STXBP4: variants seen among roughly 807,000 people sequenced by gnomAD.
The protein encoded by STXBP4 is syntaxin binding protein 4.
In STXBP4, 55 loss-of-function variants were observed where a neutral mutation model predicts 76.1. That is an observed-to-expected ratio of 0.72 (90% CI 0.58 to 0.91). The LOEUF is 0.91. Ranked by LOEUF, STXBP4 falls within the 40% of genes least tolerant of loss-of-function variation. The pLI, the probability that STXBP4 is intolerant of heterozygous loss-of-function variation, is 0.00. For synonymous variants in STXBP4, 201 were observed against 220.2 expected, an observed-to-expected ratio of 0.91 and a Z score of 0.77; for missense variants, 618 against 636.9, an observed-to-expected ratio of 0.97 and a Z score of 0.32.
intron 8 of STXBP4, among the ~76,000 whole-genome samples, chr17:55,026,050 T>TA (rs1421932699): frequency 6.6e-6 from 1 of 152,118 alleles, no homozygotes; most frequent in African/African-American, 2.4e-5. Context: ...GGAATAAATT[T>TA]AAAAAAAGAA....
At chr17:55,034,111 A>C in intron 9 of STXBP4, 57 bp from the exon 10 acceptor site, 1 of 1,280,816 alleles carries the variant, frequency 7.8e-7, no homozygotes, top group Non-Finnish European at 1.1e-6. Context: ...TATAGAATAA[A>C]GTAAGATTTA....
chr17:55,075,000 G>A lies in STXBP4; in HGVS notation c.1188+1924G>A, dbSNP rs189566004. Among the ~76,000 whole-genome samples, 708 of 151,882 alleles carry A rather than the reference G, an allele frequency of 4.7e-3. 2 individuals carry two copies. Among genetic ancestry groups the A allele is most frequent in the Middle Eastern group, 0.024 (7 of 294 alleles). On this transcript the variant is annotated intron_variant, in intron 13 of 17. Transcript: ENST00000376352. The stretch of plus-strand genomic sequence containing the variant: ...AAGATAACAGATTCTTTTTGTAACA[G>A]TACATTTATTTTTCATTATAATTTT...
chr17:55,159,253 T>C (rs2080313393), intron 17 of STXBP4, among the ~76,000 whole-genome samples: 1 of 151,854 alleles, frequency 6.6e-6, no homozygotes, highest in African/African-American at 2.4e-5. Context: ...CTCAAATACA[T>C]AAATAAATAA....
At chr17:55,097,429 C>A (rs1201959218) in intron 16 of STXBP4, among the ~76,000 whole-genome samples, 1 of 152,068 alleles carries the variant, frequency 6.6e-6, no homozygotes. Context: ...TTTGGGGGGC[C>A]AAGGCGGGCG....
the STXBP4 span, among the ~76,000 whole-genome samples, chr17:55,206,365 T>C: frequency 6.6e-6 from 1 of 152,150 alleles, no homozygotes; most frequent in Non-Finnish European, 1.5e-5. Context: ...CTTGCAGCTA[T>C]TAAGAAATCC....
intron 8 of STXBP4, among the ~76,000 whole-genome samples, chr17:55,014,530 G>A (rs1021458418): frequency 2.6e-5 from 4 of 152,160 alleles, no homozygotes; most frequent in Admixed American, 2.0e-4. Context: ...GGACAGGAGA[G>A]TAAGACTGAG....
intron 8 of STXBP4, among the ~76,000 whole-genome samples, chr17:55,011,889 G>A (rs1414919916): frequency 2.0e-5 from 3 of 152,090 alleles, no homozygotes; most frequent in African/African-American, 7.2e-5. Context: ...GAGGTTGGCC[G>A]ACGACCGCTC....
intron 16 of STXBP4, among the ~76,000 whole-genome samples, chr17:55,096,612 CTTT>C (rs74955815): frequency 7.5e-6 from 1 of 133,612 alleles, no homozygotes. Flanking sequence ...TTTCATATTG[CTTT>C]TTTTTTTTTT....
intron 4 of STXBP4, among the ~76,000 whole-genome samples, chr17:54,995,709 C>G (rs2077790498): frequency 6.6e-6 from 1 of 152,178 alleles, no homozygotes; most frequent in South Asian, 2.1e-4. Flanking sequence ...ATATCAGGAT[C>G]AGGCCTCTGG....
chr17:55,066,216 T>TTGTTC (rs1166212575), intron 12 of STXBP4, among the ~76,000 whole-genome samples: 1 of 151,896 alleles, frequency 6.6e-6, no homozygotes, highest in African/African-American at 2.4e-5. Flanking sequence ...TTGTTTTGTT[T>TTGTTC]TGTTTTGTTT....
At chr17:55,106,831 G>C (rs1262731257) in intron 16 of STXBP4, among the ~76,000 whole-genome samples, 1 of 152,020 alleles carries the variant, frequency 6.6e-6, no homozygotes. Flanking sequence ...TTCGCTTTGT[G>C]GGTTACCTGA....
intron 8 of STXBP4, among the ~76,000 whole-genome samples, chr17:55,013,969 A>G (rs2078158745): frequency 6.6e-6 from 1 of 152,184 alleles, no homozygotes; most frequent in Non-Finnish European, 1.5e-5. Flanking sequence ...AGCAGAGTAT[A>G]AGGGTTAGGT....
At chr17:55,027,927 A>G (rs917791103) in intron 8 of STXBP4, among the ~76,000 whole-genome samples, 3 of 152,108 alleles carry the variant, frequency 2.0e-5, no homozygotes, top group African/African-American at 7.2e-5. Flanking sequence ...TTTTTTACAT[A>G]TATGCTTTTA....
intron 12 of STXBP4, among the ~76,000 whole-genome samples, chr17:55,071,834 A>G (rs1037911945): frequency 6.6e-6 from 1 of 152,226 alleles, no homozygotes; most frequent in Non-Finnish European, 1.5e-5. Context: ...TAAAATAGCC[A>G]TAGTTTAATA....
At chr17:55,177,629 A>G (rs183839365), downstream of STXBP4, among the ~76,000 whole-genome samples, 25 of 152,336 alleles carry the variant, frequency 1.6e-4, no homozygotes, top group African/African-American at 6.0e-4. Context: ...TTCGAAATGG[A>G]GATTCTGTCC....
intron 8 of STXBP4, among the ~76,000 whole-genome samples, chr17:55,010,249 C>CATAT (rs10562786): frequency 6.7e-6 from 1 of 150,270 alleles, no homozygotes; most frequent in African/African-American, 2.4e-5. Flanking sequence ...AAGACAATGT[C>CATAT]ATATATATAT....
intron 17 of STXBP4, among the ~76,000 whole-genome samples, chr17:55,157,143 G>A (rs1457650772): frequency 6.6e-6 from 1 of 152,136 alleles, no homozygotes; most frequent in Non-Finnish European, 1.5e-5. Context: ...AACTTCAAAG[G>A]AGAGGGAGGA....
chr17:55,048,706 C>T (rs1478012122), intron 12 of STXBP4, among the ~76,000 whole-genome samples: 1 of 151,718 alleles, frequency 6.6e-6, no homozygotes, highest in Non-Finnish European at 1.5e-5. Context: ...GAAATGAAAA[C>T]TAAATTACAA....
chr17:55,140,947 G>A (rs2080088482), intron 16 of STXBP4, among the ~76,000 whole-genome samples: 1 of 152,138 alleles, frequency 6.6e-6, no homozygotes, highest in African/African-American at 2.4e-5. Context: ...GAAACTTTGA[G>A]CCAGAATAGA....
Sources: gnomAD v4.1 joint callset for allele counts (sites outside exome capture counted in the v4.1 genomes callset) on GRCh38, gnomAD v4.1.1 for gene constraint, MANE v1.5 for transcripts, NCBI Gene and HGNC (gene_info 2026-07-23, HGNC 2026-07-21) for gene names.